DPP10: variants seen among roughly 807,000 people sequenced by gnomAD.
The protein encoded by DPP10 is inactive dipeptidyl peptidase 10.
Under a neutral mutation model 120.9 loss-of-function variants are expected in DPP10, and 33 were observed. That is an observed-to-expected ratio of 0.27 (90% CI 0.21 to 0.37). The LOEUF is 0.37. Ranked by LOEUF, DPP10 falls within the 10% of genes least tolerant of loss-of-function variation. DPP10 has a pLI of 1.00. For missense variants in DPP10, 816 were observed against 942.8 expected, an observed-to-expected ratio of 0.87 and a Z score of 1.76; for synonymous variants, 337 against 326.1, an observed-to-expected ratio of 1.03 and a Z score of -0.36.
chr2:115,361,348 G>A (rs957149521), intron 3 of DPP10, among the ~76,000 whole-genome samples: 8 of 152,042 alleles, frequency 5.3e-5, no homozygotes, highest in Non-Finnish European at 7.4e-5. Flanking sequence ...CCTGTTCTGC[G>A]GGAGGGCAAA....
chr2:114,735,026 C>T (rs1677284272), intron 1 of DPP10, among the ~76,000 whole-genome samples: 1 of 152,006 alleles, frequency 6.6e-6, no homozygotes, highest in Admixed American at 6.6e-5. Flanking sequence ...ATATCTCTTC[C>T]TTTCTTATAT....
At chr2:115,483,219 T>C (rs986903358) in intron 3 of DPP10, among the ~76,000 whole-genome samples, 4 of 152,096 alleles carry the variant, frequency 2.6e-5, no homozygotes, top group Non-Finnish European at 5.9e-5. Flanking sequence ...AGGTACTTCA[T>C]TTTTAATATG....
chr2:115,697,795 C>A (rs960364623), intron 7 of DPP10, among the ~76,000 whole-genome samples: 1 of 151,976 alleles, frequency 6.6e-6, no homozygotes, highest in Non-Finnish European at 1.5e-5. Context: ...ACCATCCTGG[C>A]TAACACGGTG....
chr2:115,491,657 T>C (rs1575004563), intron 3 of DPP10, among the ~76,000 whole-genome samples: 3 of 152,020 alleles, frequency 2.0e-5, no homozygotes, highest in Admixed American at 6.6e-5. Context: ...ATGTCTGTGG[T>C]CGGGGAGGAG....
chr2:115,499,547 CATT>C lies in DPP10; in HGVS notation c.311_313del (p.Ile104del). 6.2e-7 allele frequency: 1 copy of C among 1,611,748 alleles called. No individual in the cohort carries two copies. Among genetic ancestry groups the C allele is most frequent in the South Asian group, 1.1e-5 (1 of 90,938 alleles). The stretch of plus-strand genomic sequence containing the variant: ...TGTATAAAAGCGAGAATGGACATGT[CATT>C]AAACTGAATATAGAAACAAATGCTA... On this transcript the variant is annotated inframe_deletion, in exon 4 of 26. Transcript: ENST00000410059.
intron 15 of DPP10, 31 bp downstream of exon 15, chr2:115,777,865 G>T (rs1481738153): frequency 4.4e-6 from 7 of 1,600,284 alleles, no homozygotes; most frequent in Non-Finnish European, 6.0e-6. Context: ...TCCTTACACA[G>T]ATTGGCTTCT....
At chr2:114,804,356 A>G (rs760583385) in intron 1 of DPP10, among the ~76,000 whole-genome samples, 1 of 151,826 alleles carries the variant, frequency 6.6e-6, no homozygotes, top group Non-Finnish European at 1.5e-5. Context: ...CAGAGTCCCT[A>G]CTGGGTCACT....
chr2:115,822,734 T>C (rs1687932537), intron 21 of DPP10, among the ~76,000 whole-genome samples: 1 of 151,990 alleles, frequency 6.6e-6, no homozygotes, highest in African/African-American at 2.4e-5. Context: ...CAATTTTCTA[T>C]TAGAATATTG....
rs2078484994 is a variant in DPP10, at chr2:115,531,826, C to G, written c.441+5854C>G. On this transcript the variant is annotated intron_variant, in intron 5 of 25. Coordinates refer to ENST00000410059, the MANE Select transcript of DPP10 (RefSeq NM_020868.6). ...TACGAGCCACAAGGGAGAACACTGT[C>G]TACATTTGTAAAGATTAATTCTGCC... 2.6e-5 allele frequency among the ~76,000 whole-genome samples: 4 copies of G among 152,078 alleles called. No homozygotes were observed. The South Asian group carries it at 8.3e-4, about 31-fold the overall frequency.
chr2:115,374,386 C>T (rs1034064417), intron 3 of DPP10, among the ~76,000 whole-genome samples: 4 of 152,202 alleles, frequency 2.6e-5, no homozygotes, highest in Non-Finnish European at 4.4e-5. Context: ...CTGCTCTTCC[C>T]CTGTGGCTCT....
chr2:114,968,198 C>T (rs1699166805), intron 1 of DPP10, among the ~76,000 whole-genome samples: 1 of 152,150 alleles, frequency 6.6e-6, no homozygotes, highest in African/African-American at 2.4e-5. Flanking sequence ...TTGATAATAT[C>T]TTCATGTCTT....
At chr2:114,928,959 G>A (rs569331725) in intron 1 of DPP10, among the ~76,000 whole-genome samples, 14 of 152,262 alleles carry the variant, frequency 9.2e-5, no homozygotes, top group African/African-American at 2.4e-4. Context: ...ATATTTCAAC[G>A]TAGGTTCTTT....
rs1476901026 is a variant in DPP10 at position 115,402,854 on chromosome 2, A to AAAAAATATAT, written c.271+58943_271+58944insAAAATATATA. 1.0e-4 allele frequency among the ~76,000 whole-genome samples: 10 copies of AAAAAATATAT among 97,638 alleles called. No individual in the cohort carries two copies. In the East Asian group the frequency reaches 1.6e-3, roughly 16 times the overall value. 64.1% of individuals were successfully genotyped at this position (97,638 alleles called of 152,430 possible). Reference sequence around the variant, plus strand: ...AGGACACTACAAGGAAAAAAAAAAAAATATATATATATATATATATATGTG... The same window carrying AAAAAATATAT: ...AGGACACTACAAGGAAAAAAAAAAAAAAAAATATATATATATATATATATATATATATGTG... On this transcript the variant is annotated intron_variant, in intron 3 of 25. Transcript: ENST00000410059.
At chr2:114,823,972 C>T (rs1418325326) in intron 1 of DPP10, among the ~76,000 whole-genome samples, 1 of 152,166 alleles carries the variant, frequency 6.6e-6, no homozygotes, top group Non-Finnish European at 1.5e-5. Flanking sequence ...GTAGAATCAT[C>T]AACAGAAGGG....
chr2:115,216,214 C>T (rs770141641), intron 1 of DPP10, among the ~76,000 whole-genome samples: 3 of 152,110 alleles, frequency 2.0e-5, no homozygotes, highest in Non-Finnish European at 2.9e-5. Context: ...GTACACTATT[C>T]AGGTGATGGT....
At chr2:114,954,523 A>G (rs953430454) in intron 1 of DPP10, among the ~76,000 whole-genome samples, 1 of 152,120 alleles carries the variant, frequency 6.6e-6, no homozygotes, top group African/African-American at 2.4e-5. Context: ...TCCCAAATAA[A>G]CAACCTAACA....
At chr2:114,615,984 C>G (rs1387718363) in intron 1 of DPP10, among the ~76,000 whole-genome samples, 1 of 152,090 alleles carries the variant, frequency 6.6e-6, no homozygotes, top group East Asian at 1.9e-4. Flanking sequence ...GCCCAACTAT[C>G]TATTTCTAGC....
chr2:115,662,080 T>C (rs13004918), intron 5 of DPP10, among the ~76,000 whole-genome samples: 14,426 of 152,240 alleles, frequency 0.095, 739 homozygotes, highest in South Asian at 0.14. Context: ...ATATGTTTGA[T>C]GATTTTAGTC....
chr2:114,853,008 G>C (rs1278394683), intron 1 of DPP10, among the ~76,000 whole-genome samples: 1 of 152,100 alleles, frequency 6.6e-6, no homozygotes, highest in Non-Finnish European at 1.5e-5. Flanking sequence ...TGTGCTGTCT[G>C]GACTCAGGAT....
Sources: allele counts gnomAD v4.1 joint callset (sites outside exome capture counted in the v4.1 genomes callset), GRCh38; gene constraint gnomAD v4.1.1; transcripts MANE v1.5; gene names NCBI Gene and HGNC (gene_info 2026-07-23, HGNC 2026-07-21).